Variants in COMMD10 observed in about 807,000 individuals in gnomAD.
COMMD10 encodes COMM domain containing 10.
COMMD10 carries 33 observed loss-of-function variants against 28.9 expected under a neutral mutation model. That is an observed-to-expected ratio of 1.14 (90% CI 0.87 to 1.53). The LOEUF is 1.53. Ranked by LOEUF, COMMD10 falls within the 40% of genes most tolerant of loss-of-function variation. The pLI, the probability that COMMD10 is intolerant of heterozygous loss-of-function variation, is 0.00. For synonymous variants in COMMD10, 110 were observed against 81.7 expected (o/e 1.35, Z -1.87); for missense variants, 310 against 233.4 (o/e 1.33, Z -2.14).
At chr5:116,163,514 G>A (rs550555608) in intron 5 of COMMD10, among the ~76,000 whole-genome samples, 8 of 151,312 alleles carry the variant, frequency 5.3e-5, no homozygotes, top group Admixed American at 2.0e-4. Flanking sequence ...ACTTGCACCC[G>A]GGAAGTAGAG....
chr5:116,223,180 A>G (rs1289575719), intron 5 of COMMD10, among the ~76,000 whole-genome samples: 1 of 152,080 alleles, frequency 6.6e-6, no homozygotes, highest in African/African-American at 2.4e-5. Context: ...CAGAAGTCAG[A>G]TATTTTCTAT....
intron 5 of COMMD10, among the ~76,000 whole-genome samples, chr5:116,258,686 C>T (rs1314801068): frequency 6.6e-6 from 1 of 151,614 alleles, no homozygotes; most frequent in Non-Finnish European, 1.5e-5. Context: ...AATTTTTGTA[C>T]CACTGTAGAT....
At chr5:116,107,465 G>A (rs1480568527) in intron 4 of COMMD10, among the ~76,000 whole-genome samples, 4 of 151,904 alleles carry the variant, frequency 2.6e-5, no homozygotes, top group African/African-American at 9.7e-5. Context: ...TTGCTTTATC[G>A]ATTCGGCTAT....
intron 4 of COMMD10, among the ~76,000 whole-genome samples, chr5:116,125,349 CT>C (rs1751587846): frequency 6.6e-6 from 1 of 152,152 alleles, no homozygotes; most frequent in African/African-American, 2.4e-5. Flanking sequence ...GTTGAAAATT[CT>C]TTTCTTTAAG....
At chr5:116,091,235 A>G (rs41296577) in intron 3 of COMMD10, 46 bp downstream of exon 3, 35,736 of 1,012,944 alleles carry the variant, frequency 0.035, 919 homozygotes, top group African/African-American at 0.11. Context: ...TGTTTACTAC[A>G]TATTTGTATT....
At position 116,253,781 on chromosome 5, in the gene COMMD10, G is replaced by GGTATCAGAATGTCTTT. The variant is rs1314052217; in HGVS notation, c.511-37735_511-37734insTATCAGAATGTCTTTG. ...CTCTTTTTTGGTTGTGTCTTTGCCCGGCTTTGGTATCAGAATGATGCTGGC... is the reference window on the plus strand; with the variant it reads ...CTCTTTTTTGGTTGTGTCTTTGCCCGGTATCAGAATGTCTTTGCTTTGGTATCAGAATGATGCTGGC... On this transcript the variant is annotated intron_variant, in intron 5 of 6. Transcript: ENST00000274458. Among the ~76,000 whole-genome samples the GGTATCAGAATGTCTTT allele has an allele frequency of 6.3e-3, 937 of 148,404 alleles. 12 individuals are homozygous for GGTATCAGAATGTCTTT. The highest frequency in any genetic ancestry group is 0.022 in the African/African-American group (872 of 38,856).
intron 5 of COMMD10, among the ~76,000 whole-genome samples, chr5:116,257,775 A>G (rs1750330794): frequency 6.6e-6 from 1 of 151,848 alleles, no homozygotes; most frequent in African/African-American, 2.4e-5. Flanking sequence ...TTTAATTGAA[A>G]CATAAGCAAC....
chr5:116,230,592 T>C (rs1218408710), intron 5 of COMMD10, among the ~76,000 whole-genome samples: 1 of 152,000 alleles, frequency 6.6e-6, no homozygotes, highest in Non-Finnish European at 1.5e-5. Context: ...TAAATAAACA[T>C]GGGGTGCCTC....
intron 5 of COMMD10, among the ~76,000 whole-genome samples, chr5:116,238,891 T>G (rs770402434): frequency 6.6e-6 from 1 of 152,162 alleles, no homozygotes; most frequent in African/African-American, 2.4e-5. Context: ...TTCAGTTGTT[T>G]AGACGAACGA....
chr5:116,188,712 T>C (rs571983312), intron 5 of COMMD10, among the ~76,000 whole-genome samples: 4 of 150,108 alleles, frequency 2.7e-5, no homozygotes, highest in East Asian at 4.0e-4. Flanking sequence ...TTGGCTCAGC[T>C]TCCACCTCCC....
chr5:116,280,554 C>T (rs1227413006), intron 5 of COMMD10, among the ~76,000 whole-genome samples: 2 of 151,778 alleles, frequency 1.3e-5, no homozygotes. Context: ...TATTCCTTGC[C>T]ATGGTACATT....
At chr5:116,170,818 C>T (rs1037050522) in intron 5 of COMMD10, among the ~76,000 whole-genome samples, 1 of 152,088 alleles carries the variant, frequency 6.6e-6, no homozygotes, top group Non-Finnish European at 1.5e-5. Context: ...TTCCTTACAC[C>T]TTATATAAAA....
intron 5 of COMMD10, among the ~76,000 whole-genome samples, chr5:116,222,146 T>G (rs1749276730): frequency 6.6e-6 from 1 of 152,276 alleles, no homozygotes; most frequent in East Asian, 1.9e-4. Context: ...AGAGCATAAT[T>G]GAGATGAAAT....
intron 5 of COMMD10, chr5:116,188,666 C>G (rs1409100510): frequency 1.5e-5 from 2 of 129,298 alleles, no homozygotes; most frequent in African/African-American, 3.3e-5. Context: ...AGGTCTGGCT[C>G]TATCATCCTC....
intron 4 of COMMD10, among the ~76,000 whole-genome samples, chr5:116,130,547 G>A (rs578250198): frequency 1.3e-4 from 20 of 152,038 alleles, no homozygotes; most frequent in African/African-American, 4.3e-4. Context: ...CTTAGGGAGT[G>A]GGTAGTGAAT....
intron 5 of COMMD10, among the ~76,000 whole-genome samples, chr5:116,164,974 C>G (rs1753043516): frequency 6.6e-6 from 1 of 152,116 alleles, no homozygotes; most frequent in Admixed American, 6.5e-5. Context: ...GAATCATGGC[C>G]AAGACATGAA....
intron 4 of COMMD10, among the ~76,000 whole-genome samples, chr5:116,109,511 T>C (rs1182127400): frequency 1.3e-5 from 2 of 152,172 alleles, no homozygotes; most frequent in African/African-American, 2.4e-5. Flanking sequence ...TGAGAATTGC[T>C]TGAACCTGGG....
Position 116,122,061 on chromosome 5 carries a change from C to T in COMMD10, c.400-12007C>T, listed in dbSNP as rs1054373170. Among the ~76,000 whole-genome samples the T allele has an allele frequency of 7.2e-5, 11 of 152,246 alleles. No homozygotes were observed. In the East Asian group the frequency reaches 7.7e-4, roughly 11 times the overall value. ...TTTAGACATGAAGTCCTTGCCCATG[C>T]CTATGTCCTGAATGGTATTGCCTAG... On this transcript the variant is annotated intron_variant, in intron 4 of 6. Coordinates refer to ENST00000274458, the MANE Select transcript of COMMD10 (RefSeq NM_016144.4).
At chr5:116,123,131 T>C (rs1244174179) in intron 4 of COMMD10, among the ~76,000 whole-genome samples, 1 of 152,104 alleles carries the variant, frequency 6.6e-6, no homozygotes, top group Non-Finnish European at 1.5e-5. Flanking sequence ...AAATAGCTCT[T>C]ATTATTTTGA....
Sources: gnomAD v4.1 joint callset for allele counts (sites outside exome capture counted in the v4.1 genomes callset) on GRCh38, gnomAD v4.1.1 for gene constraint, MANE v1.5 for transcripts, NCBI Gene and HGNC (gene_info 2026-07-23, HGNC 2026-07-21) for gene names.